Variants in GEMIN2 observed in about 807,000 individuals in gnomAD.
The protein encoded by GEMIN2 is gem nuclear organelle associated protein 2.
A neutral mutation model predicts 45.8 loss-of-function variants in GEMIN2; 37 were observed. The observed-to-expected ratio is 0.81, with a 90% CI of 0.62 to 1.06. The LOEUF (loss-of-function observed/expected upper bound fraction) is 1.06, where lower values mean the gene tolerates loss of function less well. Ranked by LOEUF, GEMIN2 falls within the 50% of genes least tolerant of loss-of-function variation. GEMIN2 has a pLI of 0.00. For missense variants in GEMIN2, 335 were observed against 321.8 expected, an observed-to-expected ratio of 1.04 and a Z score of -0.31; for synonymous variants, 101 against 111.5, an observed-to-expected ratio of 0.91 and a Z score of 0.60.
At chr14:39,124,950 A>T in intron 5 of GEMIN2, 42 bp from the exon 6 acceptor site, 1 of 1,031,060 alleles carries the variant, frequency 9.7e-7, no homozygotes. Flanking sequence ...AATGAAGCTT[A>T]TAATACCATT....
chr14:39,123,282 T>C (rs778497781), intron 5 of GEMIN2, among the ~76,000 whole-genome samples: 5 of 152,116 alleles, frequency 3.3e-5, no homozygotes, highest in Non-Finnish European at 5.9e-5. Flanking sequence ...TGGTGCCACA[T>C]TGTGTTTTTC....
chr14:39,119,015 A>T (rs1441631650), intron 4 of GEMIN2, among the ~76,000 whole-genome samples: 1 of 151,992 alleles, frequency 6.6e-6, no homozygotes, highest in Non-Finnish European at 1.5e-5. Context: ...GGCTCAAGTG[A>T]TCCTCCTGCC....
At chr14:39,130,257 T>G (rs1316905445) in intron 7 of GEMIN2, among the ~76,000 whole-genome samples, 1 of 152,102 alleles carries the variant, frequency 6.6e-6, no homozygotes, top group African/African-American at 2.4e-5. Flanking sequence ...GAAAAAGTCT[T>G]AACTATTGAT....
intron 5 of GEMIN2, among the ~76,000 whole-genome samples, chr14:39,124,340 A>T (rs1373539387): frequency 2.6e-5 from 4 of 152,218 alleles, no homozygotes; most frequent in Non-Finnish European, 5.9e-5. Context: ...AATGGTGTAT[A>T]CAACATATTA....
chr14:39,120,799 TGTATTTTTA>T (rs548489905), intron 4 of GEMIN2, among the ~76,000 whole-genome samples: 2 of 152,164 alleles, frequency 1.3e-5, no homozygotes, highest in Non-Finnish European at 2.9e-5. Flanking sequence ...AGCTAATTTT[TGTATTTTTA>T]GTAGAGACGG....
At chr14:39,133,741 T>C (rs2052749972) in intron 9 of GEMIN2, 22 bp downstream of exon 9, 2 of 1,343,472 alleles carry the variant, frequency 1.5e-6, no homozygotes, top group Non-Finnish European at 2.1e-6. Flanking sequence ...CCTTGGCTTC[T>C]TTATTATTTA....
chr14:39,128,291 T>A lies in GEMIN2; in HGVS notation c.543T>A (p.Thr181=). ...IVSRMNQATV[T]SVLEYLSNWF... ...CTTTTTTTTTTTAGGCAACAGTAAC[T>A]AGTGTCTTGGAATATCTGAGTAATT... The change falls in exon 7 of 10, where the codon ACT becomes ACA. Residue 181 remains threonine (T), a synonymous_variant. Coordinates refer to ENST00000308317, the MANE Select transcript of GEMIN2 (RefSeq NM_003616.3). The A allele has an allele frequency of 6.5e-7, 1 of 1,546,146 alleles. No homozygotes were observed. Among genetic ancestry groups the A allele is most frequent in the Non-Finnish European group, 8.9e-7 (1 of 1,127,910 alleles).
Position 39,132,084 on chromosome 14 carries a change from C to G in GEMIN2, c.711+16C>G. ...GCTCTTAGTGGTAAGTTGCAACTTA[C>G]TGTTTAAAATTAAAAGCACCCACCA... is the stretch of plus-strand genomic sequence containing the variant. On this transcript the variant is annotated intron_variant, in intron 8 of 9. Coordinates refer to ENST00000308317, the MANE Select transcript of GEMIN2 (RefSeq NM_003616.3). 1 of 1,221,986 alleles carries G rather than the reference C, an allele frequency of 8.2e-7. No individual in the cohort carries two copies. The highest frequency in any genetic ancestry group is 1.2e-6 in the Non-Finnish European group (1 of 828,288). 75.7% of individuals were successfully genotyped at this position (1,221,986 alleles called of 1,614,324 possible). A position where few individuals can be genotyped will look rare whatever the true frequency, so the allele number is the denominator to read the frequency against.
In GEMIN2 at chr14:39,116,097, A is replaced by C. The variant is rs1054577281; in HGVS notation, c.222+1184A>C. ...TTCGCCCAGGCTGGAGTGCAGTGGCACAATCTCAGCTCATCACAACCTCTG... is the reference window on the plus strand; with the variant it reads ...TTCGCCCAGGCTGGAGTGCAGTGGCCCAATCTCAGCTCATCACAACCTCTG... On this transcript the variant is annotated intron_variant, in intron 2 of 9. Transcript: ENST00000308317. 3.3e-5 allele frequency among the ~76,000 whole-genome samples: 5 copies of C among 149,376 alleles called. No homozygotes were observed. In the East Asian group the frequency reaches 1.0e-3, roughly 30 times the overall value.
intron 2 of GEMIN2, among the ~76,000 whole-genome samples, chr14:39,115,313 C>T (rs1415962558): frequency 2.0e-5 from 3 of 152,152 alleles, no homozygotes; most frequent in Non-Finnish European, 2.9e-5. Flanking sequence ...GGATCACAGG[C>T]GTGAGCCACC....
chr14:39,128,986 C>T (rs933801395), intron 7 of GEMIN2, among the ~76,000 whole-genome samples: 3 of 152,146 alleles, frequency 2.0e-5, no homozygotes, highest in Non-Finnish European at 4.4e-5. Context: ...CACAGTGGCT[C>T]ATGCCTGTAA....
intron 4 of GEMIN2, 56 bp downstream of exon 4, chr14:39,118,655 A>AT (rs1268539697): frequency 4.0e-6 from 3 of 751,718 alleles, no homozygotes; most frequent in Non-Finnish European, 7.1e-6. Context: ...GAAAGAGTCT[A>AT]TATTTACTTC....
intron 5 of GEMIN2, 64 bp downstream of exon 5, chr14:39,122,607 G>C (rs1199755767): frequency 1.2e-6 from 1 of 819,602 alleles, no homozygotes; most frequent in Non-Finnish European, 2.0e-6. Context: ...CTTAATATAA[G>C]GGGTCAGCAA....
chr14:39,134,313 G>C (rs373565524), intron 9 of GEMIN2: 1 of 152,140 alleles, frequency 6.6e-6, no homozygotes, highest in Non-Finnish European at 1.5e-5. Flanking sequence ...TCACCTCCTG[G>C]GTTCAAGCAA....
chr14:39,136,252 T>C (rs147427382), intron 9 of GEMIN2, among the ~76,000 whole-genome samples, 188 bp from the exon 10 acceptor site: 3 of 152,296 alleles, frequency 2.0e-5, no homozygotes, highest in Admixed American at 6.5e-5. Flanking sequence ...CCTCATACTT[T>C]AGCAGTATAA....
At chr14:39,117,482 T>G (rs769934103) in intron 2 of GEMIN2, among the ~76,000 whole-genome samples, 6 of 152,208 alleles carry the variant, frequency 3.9e-5, no homozygotes, top group Non-Finnish European at 7.3e-5. Context: ...TAATCAGTAA[T>G]TAGGATAGCC....
intron 4 of GEMIN2, chr14:39,122,000 C>T (rs1263948945): frequency 1.2e-4 from 21 of 172,660 alleles, no homozygotes; most frequent in Non-Finnish European, 1.2e-4. Context: ...GGATTACAGG[C>T]GTGAACCACC....
chr14:39,116,596 A>C (rs1346405782), intron 2 of GEMIN2, among the ~76,000 whole-genome samples: 1 of 119,882 alleles, frequency 8.3e-6, no homozygotes, highest in East Asian at 2.5e-4. Context: ...AGTTGATAGT[A>C]ATTTCCTTTT....
At chr14:39,128,963 A>G (rs528695052) in intron 7 of GEMIN2, among the ~76,000 whole-genome samples, 15 of 152,284 alleles carry the variant, frequency 9.9e-5, no homozygotes, top group East Asian at 5.8e-4. Flanking sequence ...AAATATGTTT[A>G]GATCTGGCCA....
Sources: gnomAD v4.1 joint callset for allele counts (sites outside exome capture counted in the v4.1 genomes callset) on GRCh38, gnomAD v4.1.1 for gene constraint, MANE v1.5 for transcripts, NCBI Gene and HGNC (gene_info 2026-07-23, HGNC 2026-07-21) for gene names.